STAU2: variants seen among roughly 807,000 people sequenced by gnomAD.
STAU2 encodes the protein double-stranded RNA-binding protein Staufen homolog 2.
In STAU2, 20 loss-of-function variants were observed where a neutral mutation model predicts 65.9. The observed-to-expected ratio is 0.30, with a 90% CI of 0.21 to 0.44. The LOEUF (loss-of-function observed/expected upper bound fraction) is 0.44. STAU2 is among the 20% of genes least tolerant of loss of function. The pLI is 1.00. For missense variants in STAU2, 558 were observed against 683.9 expected, an observed-to-expected ratio of 0.82 and a Z score of 2.05; for synonymous variants, 232 against 233.9, an observed-to-expected ratio of 0.99 and a Z score of 0.07.
chr8:73,660,611 G>A (rs1056171328), intron 6 of STAU2, among the ~76,000 whole-genome samples: 1 of 152,204 alleles, frequency 6.6e-6, no homozygotes, highest in Admixed American at 6.5e-5. Context: ...TGAGAAAGCT[G>A]AAAGACCAGC....
chr8:73,447,887 T>C (rs985155030), intron 13 of STAU2, among the ~76,000 whole-genome samples: 6 of 152,222 alleles, frequency 3.9e-5, no homozygotes, highest in Admixed American at 3.9e-4. Flanking sequence ...TACCACCCTC[T>C]GGAAAGCGAC....
Position 73,571,286 on chromosome 8 carries a change from C to T in STAU2, c.1222+11484G>A, listed in dbSNP as rs145561249. 4.1e-3 allele frequency among the ~76,000 whole-genome samples: 619 copies of T among 152,278 alleles called. 7 individuals carry two copies. Among genetic ancestry groups the T allele is most frequent in the African/African-American group, 0.013 (554 of 41,554 alleles). Reference sequence around the variant, plus strand: ...CTACAAAGAGACTTAGACTCCCACACAATAATAATGGGAGACTTTAAACAC... The same window carrying T: ...CTACAAAGAGACTTAGACTCCCACATAATAATAATGGGAGACTTTAAACAC... On this transcript the variant is annotated intron_variant, in intron 12 of 14. Transcript: ENST00000524300.
chr8:73,551,872 C>T, intron 13 of STAU2, 140 bp downstream of exon 13: 1 of 1,329,454 alleles, frequency 7.5e-7, no homozygotes, highest in Non-Finnish European at 9.7e-7. Context: ...TTTGTCTGTC[C>T]TTTGTGTTCC....
At chr8:73,573,742 A>T (rs1223430020) in intron 12 of STAU2, among the ~76,000 whole-genome samples, 1 of 152,134 alleles carries the variant, frequency 6.6e-6, no homozygotes, top group Non-Finnish European at 1.5e-5. Context: ...ACCTTATACA[A>T]AAAAATTAAT....
chr8:73,476,883 AG>A (rs1453476980), intron 13 of STAU2, among the ~76,000 whole-genome samples: 1 of 152,218 alleles, frequency 6.6e-6, no homozygotes, highest in Non-Finnish European at 1.5e-5. Flanking sequence ...AGTGGCTTCT[AG>A]GTACCATAGA....
At chr8:73,422,528 G>C (rs569192889) in intron 14 of STAU2, 86 bp downstream of exon 14, 1 of 1,071,204 alleles carries the variant, frequency 9.3e-7, no homozygotes, top group Non-Finnish European at 1.3e-6. Context: ...TACTATTGTC[G>C]ACTTTTTAAA....
intron 9 of STAU2, among the ~76,000 whole-genome samples, chr8:73,608,631 A>AG (rs1028396424): frequency 2.0e-5 from 3 of 151,536 alleles, no homozygotes; most frequent in African/African-American, 7.3e-5. Flanking sequence ...AAAAAGAAAA[A>AG]GAAAAAAAAG....
chr8:73,527,780 C>T (rs868188270), intron 13 of STAU2: 10 of 1,536,632 alleles, frequency 6.5e-6, no homozygotes, highest in Non-Finnish European at 8.7e-6. Flanking sequence ...CACTCTTTGC[C>T]ACTTTGTCTA....
chr8:73,562,099 G>C (rs1208557803), intron 12 of STAU2, among the ~76,000 whole-genome samples: 6 of 152,202 alleles, frequency 3.9e-5, no homozygotes, highest in Non-Finnish European at 8.8e-5. Flanking sequence ...CACCATGATA[G>C]AGACAAGAAA....
chr8:73,645,026 T>A (rs1380784069), intron 6 of STAU2, among the ~76,000 whole-genome samples: 1 of 152,200 alleles, frequency 6.6e-6, no homozygotes, highest in African/African-American at 2.4e-5. Context: ...TAATGTCTAC[T>A]CTATAAAATC....
rs1346048123 is a variant in STAU2, at chr8:73,532,242, G to A, written c.1530+19770C>T. ...CATCACATGACAGATAGCAGTCCCTGAAGGAAATTAAAATATTTTACCCCA... is the reference window on the plus strand; with the variant it reads ...CATCACATGACAGATAGCAGTCCCTAAAGGAAATTAAAATATTTTACCCCA... On this transcript the variant is annotated intron_variant, in intron 13 of 14. Transcript: ENST00000524300. Among the ~76,000 whole-genome samples the A allele has an allele frequency of 2.0e-5, 3 of 152,180 alleles. No homozygotes were observed. The East Asian group carries it at 5.8e-4, about 29-fold the overall frequency.
chr8:73,664,497 A>G (rs548298366), intron 6 of STAU2, among the ~76,000 whole-genome samples: 5 of 152,302 alleles, frequency 3.3e-5, no homozygotes, highest in African/African-American at 1.2e-4. Flanking sequence ...AGTCTATATC[A>G]TTAGTGAGCG....
chr8:73,711,208 A>G (rs1357781694), intron 3 of STAU2, among the ~76,000 whole-genome samples: 4 of 151,542 alleles, frequency 2.6e-5, no homozygotes, highest in African/African-American at 9.7e-5. Flanking sequence ...AAGTCAAGAC[A>G]GTTTTGAGAA....
At chr8:73,702,249 T>G (rs1820163683) in intron 4 of STAU2, among the ~76,000 whole-genome samples, 1 of 152,178 alleles carries the variant, frequency 6.6e-6, no homozygotes, top group East Asian at 1.9e-4. Context: ...AGTAGATTGT[T>G]CGTAACACAA....
intron 13 of STAU2, among the ~76,000 whole-genome samples, chr8:73,472,981 T>C (rs1820114734): frequency 6.6e-6 from 1 of 152,148 alleles, no homozygotes. Flanking sequence ...ATTTAAGAAA[T>C]GAAACCATAT....
At chr8:73,704,157 T>A (rs1216124246) in intron 4 of STAU2, among the ~76,000 whole-genome samples, 1 of 152,192 alleles carries the variant, frequency 6.6e-6, no homozygotes, top group Admixed American at 6.5e-5. Flanking sequence ...ACTCATCAAC[T>A]GATGAAATCC....
intron 6 of STAU2, among the ~76,000 whole-genome samples, chr8:73,651,000 G>A (rs761191415): frequency 5.3e-5 from 8 of 152,218 alleles, no homozygotes; most frequent in Non-Finnish European, 8.8e-5. Flanking sequence ...CCCCTGGCCA[G>A]CCCTGCCCGG....
At chr8:73,611,214 C>A (rs548801440) in intron 9 of STAU2, among the ~76,000 whole-genome samples, 1 of 152,216 alleles carries the variant, frequency 6.6e-6, no homozygotes, top group South Asian at 2.1e-4. Flanking sequence ...AAGGTATGAA[C>A]ATACTTAAAA....
intron 5 of STAU2, chr8:73,675,622 G>C (rs908900954): frequency 6.6e-6 from 1 of 152,098 alleles, no homozygotes; most frequent in African/African-American, 2.4e-5. Context: ...CATAAATCAT[G>C]AGGAAACACC....
Sources: gnomAD v4.1 joint callset for allele counts (sites outside exome capture counted in the v4.1 genomes callset) on GRCh38, gnomAD v4.1.1 for gene constraint, MANE v1.5 for transcripts, NCBI Gene and HGNC (gene_info 2026-07-23, HGNC 2026-07-21) for gene names.